Variants in NEDD4L observed in about 807,000 individuals in gnomAD.
The protein encoded by NEDD4L is E3 ubiquitin-protein ligase NEDD4-like.
In NEDD4L, 54 loss-of-function variants were observed where a neutral mutation model predicts 148.9. The ratio of observed to expected loss-of-function variants is 0.36; its 90% CI spans 0.29 to 0.45. The LOEUF (loss-of-function observed/expected upper bound fraction) is 0.45. Ranked by LOEUF, NEDD4L falls within the 20% of genes least tolerant of loss-of-function variation. The pLI, the probability that NEDD4L is intolerant of heterozygous loss-of-function variation, is 1.00. For synonymous variants in NEDD4L, 433 were observed against 440.7 expected (o/e 0.98, Z 0.22); for missense variants, 856 against 1,233.8 (o/e 0.69, Z 4.59).
intron 14 of NEDD4L, 89 bp from the exon 15 acceptor site, chr18:58,341,589 T>C: frequency 2.2e-6 from 3 of 1,393,242 alleles, no homozygotes; most frequent in Non-Finnish European, 2.9e-6. Context: ...TTATTATTGC[T>C]GTTTGCGTTG....
At chr18:58,227,766 C>A in intron 2 of NEDD4L, 2 of 412,426 alleles carry the variant, frequency 4.8e-6, no homozygotes, top group Non-Finnish European at 6.5e-6. Flanking sequence ...TTTTACTTAG[C>A]TTAATCCTTT....
chr18:58,160,873 T>C (rs1013199895), intron 1 of NEDD4L, among the ~76,000 whole-genome samples: 4 of 152,236 alleles, frequency 2.6e-5, no homozygotes, highest in African/African-American at 9.6e-5. Context: ...AACAGGTGCT[T>C]GTAAACAGTA....
intron 16 of NEDD4L, among the ~76,000 whole-genome samples, chr18:58,348,634 T>C (rs114006798): frequency 0.012 from 1,897 of 152,200 alleles, 32 homozygotes; most frequent in African/African-American, 0.044. Flanking sequence ...TTTAACTGGG[T>C]CTACATAAGT....
chr18:58,145,632 T>C (rs116538252), intron 1 of NEDD4L, among the ~76,000 whole-genome samples: 3 of 149,278 alleles, frequency 2.0e-5, no homozygotes, highest in Non-Finnish European at 4.4e-5. Flanking sequence ...GGAATTGGGT[T>C]TTTTTTTTTT....
At chr18:58,227,254 T>C (rs2044476410) in intron 2 of NEDD4L, among the ~76,000 whole-genome samples, 1 of 152,172 alleles carries the variant, frequency 6.6e-6, no homozygotes, top group African/African-American at 2.4e-5. Context: ...AAAACAACCA[T>C]GCCAGACATG....
intron 1 of NEDD4L, among the ~76,000 whole-genome samples, chr18:58,078,990 G>C (rs1190039768): frequency 1.3e-5 from 2 of 152,168 alleles, no homozygotes; most frequent in African/African-American, 4.8e-5. Flanking sequence ...ATGAGACTAT[G>C]AACGGGAGCT....
intron 1 of NEDD4L, among the ~76,000 whole-genome samples, chr18:58,071,042 A>G (rs2082848772): frequency 6.6e-6 from 1 of 151,194 alleles, no homozygotes; most frequent in East Asian, 1.9e-4. Context: ...TTAAAAAAAC[A>G]CACACACACA....
intron 2 of NEDD4L, among the ~76,000 whole-genome samples, chr18:58,243,669 C>T (rs2046912029): frequency 6.6e-6 from 1 of 152,156 alleles, no homozygotes. Context: ...CTTATGGGAG[C>T]TTTGACCTGG....
rs1018139715 is a variant in NEDD4L, at chr18:58,228,653, G to A, written c.123-16774G>A. On this transcript the variant is annotated intron_variant, in intron 2 of 30. Transcript: ENST00000400345. Reference sequence around the variant, plus strand: ...CTTAATCAGTGAGGTTGGGATGGCCGGAGGGGGCCCTCATTTGCTTGCCTG... The same window carrying A: ...CTTAATCAGTGAGGTTGGGATGGCCAGAGGGGGCCCTCATTTGCTTGCCTG... 1.1e-4 allele frequency among the ~76,000 whole-genome samples: 16 copies of A among 152,332 alleles called. No individual in the cohort carries two copies. The East Asian group carries it at 1.2e-3, about 11-fold the overall frequency.
At chr18:58,059,955 G>A (rs1167458829) in intron 1 of NEDD4L, among the ~76,000 whole-genome samples, 2 of 152,078 alleles carry the variant, frequency 1.3e-5, no homozygotes, top group Non-Finnish European at 2.9e-5. Flanking sequence ...TTTGAGGTAG[G>A]TGCTGTCATT....
intron 1 of NEDD4L, among the ~76,000 whole-genome samples, chr18:58,111,667 T>C (rs989808463): frequency 3.3e-5 from 5 of 152,214 alleles, no homozygotes; most frequent in Non-Finnish European, 7.3e-5. Context: ...CATTGTGTTA[T>C]AAAACCATAT....
At position 58,357,225 on chromosome 18, in the gene NEDD4L, A is replaced by G; in HGVS notation, c.1740A>G (p.Arg580=). The G allele has an allele frequency of 6.2e-7, 1 of 1,612,850 alleles. No homozygotes were observed. The highest frequency in any genetic ancestry group is 1.1e-5 in the South Asian group (1 of 91,046). The change falls in exon 19 of 31, where the codon AGA becomes AGG. Residue 580 remains arginine (R), a synonymous_variant. Coordinates refer to ENST00000400345, the MANE Select transcript of NEDD4L (RefSeq NM_001144967.3). ...AAATTACTCAGTGGGAAGACCCAAG[A>G]CTGCAGAACCCAGCTATTACTGGTC... ...NSKITQWEDP[R]LQNPAITGPA...
At chr18:58,274,222 C>T (rs535547845) in intron 5 of NEDD4L, among the ~76,000 whole-genome samples, 36 of 152,278 alleles carry the variant, frequency 2.4e-4, no homozygotes, top group African/African-American at 8.4e-4. Context: ...CATAAGAGGC[C>T]ACTGATGGGC....
At chr18:58,383,200 A>G (rs945591890) in intron 24 of NEDD4L, 46 bp from the exon 25 acceptor site, 1 of 958,262 alleles carries the variant, frequency 1.0e-6, no homozygotes, top group Non-Finnish European at 1.6e-6. Flanking sequence ...ATAATATGCA[A>G]GATAACTTCG....
rs144547415 is a variant in NEDD4L, at chr18:58,056,425, A to G, written c.48+11717A>G. On this transcript the variant is annotated intron_variant, in intron 1 of 30. Coordinates refer to ENST00000400345, the MANE Select transcript of NEDD4L (RefSeq NM_001144967.3). ...GTTGTTCAGCTATGATGTCTCAATT[A>G]GGAAATGTTCACCTAGACAGTAGGG... Among the ~76,000 whole-genome samples the G allele has an allele frequency of 2.9e-3, 448 of 152,322 alleles. 4 individuals are homozygous for G. Among genetic ancestry groups the G allele is most frequent in the African/African-American group, 0.01 (424 of 41,562 alleles).
At chr18:58,061,438 C>A (rs753866527) in intron 1 of NEDD4L, among the ~76,000 whole-genome samples, 164 of 151,844 alleles carry the variant, frequency 1.1e-3, no homozygotes, top group Non-Finnish European at 1.8e-3. Flanking sequence ...TGCTTCATAT[C>A]TCACAGTGAT....
At chr18:58,176,704 G>C (rs2038197726) in intron 2 of NEDD4L, among the ~76,000 whole-genome samples, 1 of 152,154 alleles carries the variant, frequency 6.6e-6, no homozygotes, top group Non-Finnish European at 1.5e-5. Flanking sequence ...GTGGAACCTT[G>C]TTCACGTTGC....
In NEDD4L at chr18:58,333,878, G is replaced by A; in HGVS notation, c.1051G>A (p.Gly351Ser). The A allele has an allele frequency of 6.2e-7, 1 of 1,612,646 alleles. No individual in the cohort carries two copies. The highest frequency in any genetic ancestry group is 8.5e-7 in the Non-Finnish European group (1 of 1,179,210). ...CSVTDAVAEQ[G>S]HLPPPSAPAG... Reference sequence around the variant, plus strand: ...TGTCACCGACGCAGTTGCAGAACAGGGCCATCTACCACCGGTAACCCATGC... The same window carrying A: ...TGTCACCGACGCAGTTGCAGAACAGAGCCATCTACCACCGGTAACCCATGC... Residue 351 changes from glycine to serine, a missense_variant, in exon 12 of 31, where the codon GGC becomes AGC. Physicochemically the swap from Gly to Ser is moderately conservative, Grantham distance 56. Coordinates refer to ENST00000400345, the MANE Select transcript of NEDD4L (RefSeq NM_001144967.3).
At chr18:58,191,625 C>T (rs958958807) in intron 2 of NEDD4L, among the ~76,000 whole-genome samples, 9 of 152,204 alleles carry the variant, frequency 5.9e-5, no homozygotes, top group Admixed American at 6.5e-5. Context: ...AAAACAATCA[C>T]GTTAAGCTAG....
Sources: gnomAD v4.1 joint callset for allele counts (sites outside exome capture counted in the v4.1 genomes callset) on GRCh38, gnomAD v4.1.1 for gene constraint, MANE v1.5 for transcripts, NCBI Gene and HGNC (gene_info 2026-07-23, HGNC 2026-07-21) for gene names.